PCDH15: variants seen among roughly 807,000 people sequenced by gnomAD.
The protein encoded by PCDH15 is protocadherin-15.
A neutral mutation model predicts 178.5 loss-of-function variants in PCDH15; 129 were observed. The observed-to-expected ratio is 0.72, with a 90% CI of 0.63 to 0.84. The LOEUF (loss-of-function observed/expected upper bound fraction) is 0.84, where lower values mean the gene tolerates loss of function less well. PCDH15 is among the 40% of genes least tolerant of loss of function. The probability of loss-of-function intolerance (pLI) is 0.00; values close to 1 mark genes in which losing one functional copy is unlikely to be tolerated. For synonymous variants in PCDH15, 800 were observed against 732.0 expected, an observed-to-expected ratio of 1.09 and a Z score of -1.50; for missense variants, 2,230 against 2,099.9, an observed-to-expected ratio of 1.06 and a Z score of -1.21.
intron 2 of PCDH15, among the ~76,000 whole-genome samples, chr10:55,095,557 T>G (rs1460070565): frequency 2.0e-5 from 3 of 152,056 alleles, no homozygotes; most frequent in Non-Finnish European, 4.4e-5. Context: ...TAAACCCAGC[T>G]GTTGCAAGTT....
At chr10:54,408,018 G>C (rs2082520562) in intron 3 of PCDH15, among the ~76,000 whole-genome samples, 1 of 122,228 alleles carries the variant, frequency 8.2e-6, no homozygotes. Context: ...TCATGTCCCT[G>C]AACTCCAGCC....
At chr10:54,336,476 C>G (rs922137938) in intron 6 of PCDH15, among the ~76,000 whole-genome samples, 12 of 152,136 alleles carry the variant, frequency 7.9e-5, no homozygotes, top group African/African-American at 2.9e-4. Context: ...GAACTCGGTG[C>G]CCCGTGTCCC....
At chr10:54,466,053 T>C (rs1386396270) in intron 3 of PCDH15, among the ~76,000 whole-genome samples, 1 of 151,942 alleles carries the variant, frequency 6.6e-6, no homozygotes, top group East Asian at 1.9e-4. Flanking sequence ...TTTGAGAATG[T>C]CTAGTGCCCA....
intron 3 of PCDH15, among the ~76,000 whole-genome samples, chr10:54,878,003 C>A (rs1253451050): frequency 8.0e-6 from 1 of 124,850 alleles, no homozygotes; most frequent in Non-Finnish European, 1.6e-5. Flanking sequence ...CGCTCTGTTG[C>A]CTAGGCTGGA....
At chr10:54,959,476 T>C (rs1303659652) in intron 2 of PCDH15, among the ~76,000 whole-genome samples, 1 of 151,966 alleles carries the variant, frequency 6.6e-6, no homozygotes, top group African/African-American at 2.4e-5. Flanking sequence ...AGGAAAATTT[T>C]AAGGTGAAAA....
At chr10:54,853,316 T>TACACATATACACATATAC (rs1231984925) in intron 3 of PCDH15, among the ~76,000 whole-genome samples, 4,835 of 115,066 alleles carry the variant, frequency 0.042, 183 homozygotes, top group East Asian at 0.29. Flanking sequence ...TATATATATA[T>TACACATATACACATATAC]ATACATACAC....
intron 1 of PCDH15, among the ~76,000 whole-genome samples, chr10:54,787,879 T>C (rs1951039206): frequency 6.6e-6 from 1 of 151,976 alleles, no homozygotes; most frequent in Admixed American, 6.6e-5. Context: ...AATTTATTTA[T>C]CTTCTCTTTT....
chr10:55,288,005 C>G (rs1842914159), intron 1 of PCDH15, among the ~76,000 whole-genome samples: 1 of 151,040 alleles, frequency 6.6e-6, no homozygotes, highest in African/African-American at 2.4e-5. Context: ...ATTTAAAATG[C>G]AAATTAATTT....
At chr10:53,841,746 T>C (rs2077659915) in intron 28 of PCDH15, among the ~76,000 whole-genome samples, 1 of 152,156 alleles carries the variant, frequency 6.6e-6, no homozygotes, top group South Asian at 2.1e-4. Context: ...TCTTTTCTGA[T>C]GACATCCTTG....
intron 18 of PCDH15, among the ~76,000 whole-genome samples, chr10:54,030,212 G>A (rs866922238): frequency 1.2e-4 from 18 of 152,050 alleles, no homozygotes; most frequent in African/African-American, 2.4e-4. Flanking sequence ...GTCCTTTACA[G>A]CGATTTAAGA....
chr10:55,576,181 A>T (rs1842494198), intron 2 of PCDH15, among the ~76,000 whole-genome samples: 2 of 152,234 alleles, frequency 1.3e-5, no homozygotes, highest in African/African-American at 4.8e-5. Context: ...AGTCGGTGAT[A>T]ACATAGTGAA....
chr10:54,249,743 A>AT (rs139016856), intron 8 of PCDH15, among the ~76,000 whole-genome samples: 3 of 151,140 alleles, frequency 2.0e-5, no homozygotes, highest in Non-Finnish European at 3.0e-5. Context: ...CAAATTATCT[A>AT]TTTTTTTTCA....
chr10:53,939,560 CTTACT>C (rs918231724), intron 24 of PCDH15, among the ~76,000 whole-genome samples: 137 of 152,040 alleles, frequency 9.0e-4, no homozygotes, highest in African/African-American at 3.0e-3. Flanking sequence ...ATATTCTCTC[CTTACT>C]TTATTTTTTC....
chr10:54,464,808 T>C (rs2077413628), intron 3 of PCDH15, among the ~76,000 whole-genome samples: 1 of 152,134 alleles, frequency 6.6e-6, no homozygotes, highest in Non-Finnish European at 1.5e-5. Flanking sequence ...AACCTAATTC[T>C]ATTGATTTAA....
chr10:55,016,450 C>T (rs1485160729), intron 2 of PCDH15, among the ~76,000 whole-genome samples: 1 of 152,112 alleles, frequency 6.6e-6, no homozygotes, highest in Non-Finnish European at 1.5e-5. Context: ...CACTCTTTAT[C>T]TCCATGAGTT....
chr10:55,315,019 C>T (rs1217439694), intron 1 of PCDH15, among the ~76,000 whole-genome samples: 1 of 151,942 alleles, frequency 6.6e-6, no homozygotes, highest in African/African-American at 2.4e-5. Context: ...GTACTTTGTT[C>T]ATTTATAAAC....
intron 2 of PCDH15, among the ~76,000 whole-genome samples, chr10:55,090,560 G>A (rs1842291470): frequency 6.6e-6 from 1 of 152,094 alleles, no homozygotes; most frequent in African/African-American, 2.4e-5. Flanking sequence ...ATAAGCGGTA[G>A]GAGACTAGAA....
At chr10:53,875,027 C>T (rs900255629) in intron 26 of PCDH15, among the ~76,000 whole-genome samples, 10 of 150,800 alleles carry the variant, frequency 6.6e-5, no homozygotes, top group East Asian at 3.9e-4. Flanking sequence ...CACAGAGCTA[C>T]GAAGATGAAC....
intron 3 of PCDH15, among the ~76,000 whole-genome samples, chr10:54,845,455 A>G (rs1056702098): frequency 1.3e-5 from 2 of 152,066 alleles, no homozygotes; most frequent in South Asian, 2.1e-4. Context: ...ATTTTTCTCT[A>G]CAGAGAAAGT....
Sources: gnomAD v4.1 joint callset for allele counts (sites outside exome capture counted in the v4.1 genomes callset) on GRCh38, gnomAD v4.1.1 for gene constraint, MANE v1.5 for transcripts, NCBI Gene and HGNC (gene_info 2026-07-23, HGNC 2026-07-21) for gene names.